Variants in PDE9A observed in about 807,000 individuals in gnomAD.
PDE9A encodes phosphodiesterase 9A, also known as high affinity cGMP-specific 3',5'-cyclic phosphodiesterase 9A.
PDE9A carries 60 observed loss-of-function variants against 87.4 expected under a neutral mutation model. The ratio of observed to expected loss-of-function variants is 0.69; its 90% CI spans 0.56 to 0.85. The LOEUF (loss-of-function observed/expected upper bound fraction) is 0.85. Among genes scored for constraint, PDE9A ranks in the 40% least tolerant of loss-of-function variants. The pLI is 0.00. For missense variants in PDE9A, 665 were observed against 779.0 expected (o/e 0.85, Z 1.74); for synonymous variants, 272 against 279.4 (o/e 0.97, Z 0.27).
chr21:42,737,183 C>T lies in PDE9A; in HGVS notation c.568+3757C>T, dbSNP rs76498906. On this transcript the variant is annotated intron_variant, in intron 7 of 19. Coordinates refer to ENST00000291539, the MANE Select transcript of PDE9A (RefSeq NM_002606.3). The stretch of plus-strand genomic sequence containing the variant: ...GGGGAAGGCGGCCAGGAGCCTGGTC[C>T]GACACCCCGATGCACAGGGCCTGGG... 9.9e-3 allele frequency among the ~76,000 whole-genome samples: 1,507 copies of T among 152,324 alleles called. 21 individuals are homozygous for T. The highest frequency in any genetic ancestry group is 0.033 in the African/African-American group (1,384 of 41,566).
chr21:42,686,045 G>A, intron 1 of PDE9A, 147 bp from the exon 2 acceptor site: 1 of 620,256 alleles, frequency 1.6e-6, no homozygotes, highest in South Asian at 1.9e-5. Flanking sequence ...GAAAAGATGA[G>A]CCTGTGACAT....
rs1225720140 is a variant in PDE9A at position 42,759,575 on chromosome 21, C to G, written c.897+490C>G. Among the ~76,000 whole-genome samples the G allele has an allele frequency of 6.9e-6, 1 of 145,194 alleles. No individual in the cohort carries two copies. The highest frequency in any genetic ancestry group is 2.6e-5 in the African/African-American group (1 of 38,840). ...GGTGTGGGTGTGAGCATGGGGGTATCTGAGTTTACGGGTGGGTGTGTGTGA... is the reference window on the plus strand; with the variant it reads ...GGTGTGGGTGTGAGCATGGGGGTATGTGAGTTTACGGGTGGGTGTGTGTGA... On this transcript the variant is annotated intron_variant, in intron 11 of 19. Transcript: ENST00000291539. This position sits in a 1 kb window ranked among gnomAD's most constrained non-coding sequence, Gnocchi z 7.2.
chr21:42,707,069 G>A (rs180909358), intron 4 of PDE9A, among the ~76,000 whole-genome samples: 1 of 152,286 alleles, frequency 6.6e-6, no homozygotes, highest in Admixed American at 6.5e-5. Flanking sequence ...TTCCACAAAG[G>A]CTCTTGTGAA....
At chr21:42,731,249 C>T (rs1048217060) in intron 4 of PDE9A, among the ~76,000 whole-genome samples, 5 of 152,188 alleles carry the variant, frequency 3.3e-5, no homozygotes, top group Admixed American at 2.6e-4. Flanking sequence ...TGAGCCACTG[C>T]GCCCAGCGCA....
At chr21:42,673,442 C>T (rs1156949409) in intron 1 of PDE9A, among the ~76,000 whole-genome samples, 2 of 152,358 alleles carry the variant, frequency 1.3e-5, no homozygotes, top group South Asian at 2.1e-4. Flanking sequence ...TCCAGGCCCA[C>T]AGCCTCCTCC....
intron 1 of PDE9A, among the ~76,000 whole-genome samples, chr21:42,662,219 G>A (rs545763207): frequency 2.0e-4 from 30 of 151,946 alleles, no homozygotes; most frequent in Non-Finnish European, 4.3e-4. Context: ...GTGGAGACCC[G>A]GGCGCCACCC....
intron 1 of PDE9A, among the ~76,000 whole-genome samples, chr21:42,677,023 C>G (rs71320542): frequency 3.3e-5 from 5 of 152,260 alleles, no homozygotes; most frequent in Admixed American, 2.6e-4. Flanking sequence ...TGGGGAGGAG[C>G]AGAGCCCGCT....
chr21:42,741,252 G>A (rs543398108), intron 7 of PDE9A: 6 of 152,380 alleles, frequency 3.9e-5, no homozygotes, highest in East Asian at 1.9e-4. Context: ...ACCGCTGGAG[G>A]CCACGTTGGG....
chr21:42,737,719 A>G (rs556577071), intron 7 of PDE9A, among the ~76,000 whole-genome samples: 1 of 152,272 alleles, frequency 6.6e-6, no homozygotes, highest in East Asian at 1.9e-4. Flanking sequence ...CGGCCTCCCA[A>G]AGTGCTGAGA....
chr21:42,675,644 C>T lies in PDE9A; in HGVS notation c.70-10548C>T, dbSNP rs904507309. On this transcript the variant is annotated intron_variant, in intron 1 of 19. Coordinates refer to ENST00000291539, the MANE Select transcript of PDE9A (RefSeq NM_002606.3). This position sits in a 1 kb window ranked among gnomAD's most constrained non-coding sequence, Gnocchi z 4.3. Reference sequence around the variant, plus strand: ...TGCCTCTGCGTTAGTGCCGCCACTTCATCTCAGATACTCTCCTGAAGATAA... The same window carrying T: ...TGCCTCTGCGTTAGTGCCGCCACTTTATCTCAGATACTCTCCTGAAGATAA... 1.3e-5 allele frequency among the ~76,000 whole-genome samples: 2 copies of T among 152,218 alleles called. No individual in the cohort carries two copies. The highest frequency in any genetic ancestry group is 1.3e-4 in the Admixed American group (2 of 15,288).
chr21:42,702,720 T>C lies in PDE9A; in HGVS notation c.262+3709T>C, dbSNP rs2048475082. Among the ~76,000 whole-genome samples the C allele has an allele frequency of 6.6e-6, 1 of 152,250 alleles. No individual in the cohort carries two copies. Among genetic ancestry groups the C allele is most frequent in the Admixed American group, 6.5e-5 (1 of 15,290 alleles). Reference sequence around the variant, plus strand: ...TACCCCAGGGATAGCTCAGTCCTACTAAGACTTGATCCCTTTGGGGTCTCC... The same window carrying C: ...TACCCCAGGGATAGCTCAGTCCTACCAAGACTTGATCCCTTTGGGGTCTCC... On this transcript the variant is annotated intron_variant, in intron 4 of 19. Coordinates refer to ENST00000291539, the MANE Select transcript of PDE9A (RefSeq NM_002606.3). The surrounding 1 kb of genome is among the most constrained non-coding windows in gnomAD (Gnocchi z 4.9).
In PDE9A at chr21:42,723,165, C is replaced by T. The variant is rs997606267; in HGVS notation, c.263-8605C>T. Among the ~76,000 whole-genome samples the T allele has an allele frequency of 3.3e-5, 5 of 152,240 alleles. No homozygotes were observed. The highest frequency in any genetic ancestry group is 7.3e-5 in the Non-Finnish European group (5 of 68,034). On this transcript the variant is annotated intron_variant, in intron 4 of 19. Coordinates refer to ENST00000291539, the MANE Select transcript of PDE9A (RefSeq NM_002606.3). This position sits in a 1 kb window ranked among gnomAD's most constrained non-coding sequence, Gnocchi z 4.3. ...TCTAGAGGTTTGCTTCATTCCAGTA[C>T]CCTTGGTTCTGTCAAGTGGGCAGGG...
intron 4 of PDE9A, among the ~76,000 whole-genome samples, chr21:42,726,200 A>G (rs903804739): frequency 1.3e-5 from 2 of 152,070 alleles, no homozygotes; most frequent in African/African-American, 2.4e-5. Context: ...TTCTTTATAC[A>G]TGCTATCTGC....
chr21:42,766,058 C>T (rs914260217), intron 15 of PDE9A, among the ~76,000 whole-genome samples: 2 of 152,212 alleles, frequency 1.3e-5, no homozygotes, highest in African/African-American at 4.8e-5. Context: ...AGGACCAGAG[C>T]ACGACTCATG....
intron 4 of PDE9A, among the ~76,000 whole-genome samples, chr21:42,727,506 T>A (rs201375537): frequency 0.11 from 16,181 of 143,666 alleles, 1,256 homozygotes; most frequent in East Asian, 0.34. Flanking sequence ...TTTTTTTTTT[T>A]TTTTTTTGTA....
At position 42,722,865 on chromosome 21, in the gene PDE9A, C is replaced by A. The variant is rs913060697; in HGVS notation, c.263-8905C>A. ...CAGTGAAATCAAATTTCATGTCATT[C>A]TGCACTGGGTAGACTCAGGATTTGC... On this transcript the variant is annotated intron_variant, in intron 4 of 19. Transcript: ENST00000291539. The surrounding 1 kb of genome is among the most constrained non-coding windows in gnomAD (Gnocchi z 4.1). Among the ~76,000 whole-genome samples the A allele has an allele frequency of 3.3e-5, 5 of 152,250 alleles. No homozygotes were observed. Among genetic ancestry groups the A allele is most frequent in the Non-Finnish European group, 5.9e-5 (4 of 68,040 alleles).
chr21:42,743,920 G>A, intron 8 of PDE9A, 60 bp downstream of exon 8: 6 of 953,314 alleles, frequency 6.3e-6, no homozygotes, highest in Non-Finnish European at 8.3e-6. Context: ...CGTACCAGTT[G>A]GGCTGGGGCT....
chr21:42,742,447 A>G (rs2053397877), intron 7 of PDE9A, among the ~76,000 whole-genome samples: 1 of 145,642 alleles, frequency 6.9e-6, no homozygotes, highest in Non-Finnish European at 1.5e-5. Flanking sequence ...TAGGGAGTTG[A>G]AGCTGTCTGC....
At chr21:42,708,471 C>A (rs1025748261) in intron 4 of PDE9A, among the ~76,000 whole-genome samples, 1 of 152,204 alleles carries the variant, frequency 6.6e-6, no homozygotes, top group African/African-American at 2.4e-5. Flanking sequence ...CCAGGCCAAC[C>A]CATACCCACC....
Sources: allele counts gnomAD v4.1 joint callset (sites outside exome capture counted in the v4.1 genomes callset), GRCh38; gene constraint gnomAD v4.1.1; non-coding constraint Gnocchi (gnomAD v3.1); transcripts MANE v1.5; gene names NCBI Gene and HGNC (gene_info 2026-07-23, HGNC 2026-07-21).